The following MPP7 variants were observed in gnomAD, a reference collection of about 807,000 sequenced individuals.
MPP7 encodes MAGUK p55 scaffold protein 7.
In MPP7, 60 loss-of-function variants were observed where a neutral mutation model predicts 76.5. That is an observed-to-expected ratio of 0.78 (90% CI 0.64 to 0.97). MPP7 has a LOEUF of 0.97. Among genes scored for constraint, MPP7 ranks in the 50% least tolerant of loss-of-function variants. The probability of loss-of-function intolerance (pLI) is 0.00; values close to 1 mark genes in which losing one functional copy is unlikely to be tolerated. For synonymous variants in MPP7, 237 were observed against 244.5 expected (o/e 0.97, Z 0.29); for missense variants, 641 against 694.0 (o/e 0.92, Z 0.86).
intron 1 of MPP7, chr10:28,280,238 T>C (rs1263577235): frequency 1.3e-5 from 2 of 152,098 alleles, no homozygotes; most frequent in African/African-American, 2.4e-5. Context: ...CGTTCCTCTG[T>C]ATATGTGGGC....
chr10:28,324,251 G>A (rs1249345), intron 2 of MPP7, among the ~76,000 whole-genome samples: 16,677 of 152,156 alleles, frequency 0.11, 1,268 homozygotes, highest in African/African-American at 0.21. Flanking sequence ...GAGAGAAGAC[G>A]TTGTCTATGA....
intron 1 of MPP7, among the ~76,000 whole-genome samples, chr10:28,297,424 C>T (rs1197655412): frequency 1.3e-5 from 2 of 152,096 alleles, no homozygotes; most frequent in South Asian, 2.1e-4. Context: ...TAAGGCCGGG[C>T]GCTGTGGCTC....
At chr10:28,154,930 A>C (rs774290943) in intron 3 of MPP7, among the ~76,000 whole-genome samples, 4 of 152,138 alleles carry the variant, frequency 2.6e-5, no homozygotes, top group Non-Finnish European at 5.9e-5. Context: ...TTGTTGATGA[A>C]GTGGGAACTG....
intron 1 of MPP7, among the ~76,000 whole-genome samples, chr10:28,253,309 T>C (rs1233842104): frequency 6.6e-6 from 1 of 152,040 alleles, no homozygotes; most frequent in Admixed American, 6.6e-5. Flanking sequence ...GCCGGCCAAA[T>C]ATGAGCTGGG....
chr10:28,208,776 AAAAT>A (rs1204248634), intron 2 of MPP7, among the ~76,000 whole-genome samples: 1 of 152,194 alleles, frequency 6.6e-6, no homozygotes, highest in Admixed American at 6.5e-5. Flanking sequence ...AAGAGGCAAT[AAAAT>A]GATAACTGGC....
intron 13 of MPP7, among the ~76,000 whole-genome samples, chr10:28,061,552 G>A (rs1851783845): frequency 6.6e-6 from 1 of 152,002 alleles, no homozygotes; most frequent in Admixed American, 6.5e-5. Flanking sequence ...AGGGACCTAT[G>A]AGAAAACACA....
chr10:28,293,758 C>T lies in MPP7; in HGVS notation c.-132+9103G>A, dbSNP rs184686565. On this transcript the variant is annotated intron_variant, in intron 1 of 16. Coordinates refer to ENST00000683449, the MANE Select transcript of MPP7 (RefSeq NM_001318170.2). The stretch of plus-strand genomic sequence containing the variant: ...CTACATACCAGGAACTGCATCCCAT[C>T]CTAGCGACCGAGTAGCAAAAGATCA... Among the ~76,000 whole-genome samples, 1,043 of 152,310 alleles carry T rather than the reference C, an allele frequency of 6.8e-3. 5 individuals carry two copies. Among genetic ancestry groups the T allele is most frequent in the Non-Finnish European group, 0.01 (706 of 68,022 alleles).
At chr10:28,273,168 T>C (rs964962400) in intron 1 of MPP7, among the ~76,000 whole-genome samples, 20 of 152,168 alleles carry the variant, frequency 1.3e-4, no homozygotes, top group African/African-American at 4.3e-4. Flanking sequence ...TCCACCCACC[T>C]CGGCCTCCCA....
chr10:28,169,859 T>A (rs12416339), intron 3 of MPP7, among the ~76,000 whole-genome samples: 20,215 of 152,186 alleles, frequency 0.13, 2,037 homozygotes, highest in African/African-American at 0.28. Context: ...ACAGAGATAA[T>A]CCTATCACCT....
At chr10:28,076,045 T>C (rs1317547633) in intron 12 of MPP7, among the ~76,000 whole-genome samples, 1 of 152,158 alleles carries the variant, frequency 6.6e-6, no homozygotes, top group African/African-American at 2.4e-5. Context: ...CTAGAACGTG[T>C]GGATATGAAA....
At position 28,293,728 on chromosome 10, in the gene MPP7, A is replaced by C. The variant is rs181517719; in HGVS notation, c.-132+9133T>G. ...CCCTTCACCCAACCAGCAGGTATTCAGTCTCTACATACCAGGAACTGCATC... is the reference window on the plus strand; with the variant it reads ...CCCTTCACCCAACCAGCAGGTATTCCGTCTCTACATACCAGGAACTGCATC... On this transcript the variant is annotated intron_variant, in intron 1 of 16. Coordinates refer to ENST00000683449, the MANE Select transcript of MPP7 (RefSeq NM_001318170.2). Among the ~76,000 whole-genome samples the C allele has an allele frequency of 1.3e-3, 201 of 152,262 alleles. 1 individual carries two copies. The highest frequency in any genetic ancestry group is 4.8e-3 in the African/African-American group (198 of 41,498).
chr10:28,198,533 C>T (rs968332133), intron 3 of MPP7, among the ~76,000 whole-genome samples: 4 of 150,742 alleles, frequency 2.7e-5, no homozygotes, highest in Non-Finnish European at 4.4e-5. Context: ...CAAGATTGCA[C>T]CATTACACTC....
intron 13 of MPP7, among the ~76,000 whole-genome samples, chr10:28,064,390 A>G (rs1851910465): frequency 6.6e-6 from 1 of 152,216 alleles, no homozygotes; most frequent in South Asian, 2.1e-4. Flanking sequence ...TAGATAACAT[A>G]CTAAATCATT....
chr10:28,131,712 T>C, intron 5 of MPP7, 21 bp from the exon 6 acceptor site: 2 of 1,476,410 alleles, frequency 1.4e-6, no homozygotes, highest in Non-Finnish European at 1.8e-6. Context: ...CAAAGGTTGA[T>C]TTAAATAAGT....
At chr10:28,200,459 C>T (rs1388401633) in intron 3 of MPP7, among the ~76,000 whole-genome samples, 1 of 152,190 alleles carries the variant, frequency 6.6e-6, no homozygotes, top group Non-Finnish European at 1.5e-5. Flanking sequence ...TTTATGAAAT[C>T]AGATATCAAT....
chr10:28,322,519 C>T (rs977724023), intron 2 of MPP7, among the ~76,000 whole-genome samples: 1 of 152,250 alleles, frequency 6.6e-6, no homozygotes, highest in African/African-American at 2.4e-5. Flanking sequence ...CAACCTTTCT[C>T]TGTTACTTTT....
intron 2 of MPP7, chr10:28,237,004 T>C (rs1588965087): frequency 6.6e-6 from 1 of 152,200 alleles, no homozygotes; most frequent in Non-Finnish European, 1.5e-5. Context: ...GCACTTTAGA[T>C]TTGCACTGCA....
chr10:28,166,864 G>A (rs955047433), intron 3 of MPP7, among the ~76,000 whole-genome samples: 2 of 151,914 alleles, frequency 1.3e-5, no homozygotes, highest in Admixed American at 6.6e-5. Flanking sequence ...TCAACATTAC[G>A]GTTTTGGAGA....
chr10:28,199,980 C>T (rs1837717257), intron 3 of MPP7, among the ~76,000 whole-genome samples: 1 of 152,114 alleles, frequency 6.6e-6, no homozygotes, highest in Non-Finnish European at 1.5e-5. Flanking sequence ...TTCTAAACCA[C>T]ATTCTAACAG....
Sources: gnomAD v4.1 joint callset for allele counts (sites outside exome capture counted in the v4.1 genomes callset) on GRCh38, gnomAD v4.1.1 for gene constraint, MANE v1.5 for transcripts, NCBI Gene and HGNC (gene_info 2026-07-23, HGNC 2026-07-21) for gene names.